The following IGF2BP1 variants were observed in gnomAD, a reference collection of about 807,000 sequenced individuals.
IGF2BP1 encodes the protein insulin like growth factor 2 mRNA binding protein 1.
A neutral mutation model predicts 74.9 loss-of-function variants in IGF2BP1; 11 were observed. The observed-to-expected ratio is 0.15, with a 90% CI of 0.09 to 0.24. IGF2BP1 has a LOEUF of 0.24. Among genes scored for constraint, IGF2BP1 ranks in the 10% least tolerant of loss-of-function variants. The probability of loss-of-function intolerance (pLI) is 1.00; values close to 1 mark genes in which losing one functional copy is unlikely to be tolerated. For synonymous variants in IGF2BP1, 287 were observed against 281.8 expected (o/e 1.02, Z -0.18); for missense variants, 440 against 757.4 (o/e 0.58, Z 4.92).
intron 5 of IGF2BP1, among the ~76,000 whole-genome samples, chr17:49,033,234 C>T (rs1368005719): frequency 1.3e-5 from 2 of 152,030 alleles, no homozygotes; most frequent in African/African-American, 4.8e-5. Context: ...CTGCAACCTG[C>T]GCCTCCTGGA....
In IGF2BP1 at chr17:49,011,310, T is replaced by C. The variant is rs189819901; in HGVS notation, c.236+12141T>C. 2.0e-5 allele frequency among the ~76,000 whole-genome samples: 3 copies of C among 152,226 alleles called. No homozygotes were observed. In the East Asian group the frequency reaches 5.8e-4, roughly 29 times the overall value. ...TGGTAGGGCAGCCACTCCTGTTTAT[T>C]TCTCTTCTTGAGCATCTTTGCTTCT... On this transcript the variant is annotated intron_variant, in intron 2 of 14. Coordinates refer to ENST00000290341, the MANE Select transcript of IGF2BP1 (RefSeq NM_006546.4).
intron 2 of IGF2BP1, among the ~76,000 whole-genome samples, chr17:49,009,821 T>A (rs2041594479): frequency 6.6e-6 from 1 of 152,102 alleles, no homozygotes; most frequent in Admixed American, 6.5e-5. Context: ...TGCTCACACC[T>A]GTAATCCCAG....
intron 6 of IGF2BP1, among the ~76,000 whole-genome samples, chr17:49,039,288 TCTC>T (rs1275390434): frequency 1.3e-5 from 2 of 152,130 alleles, no homozygotes; most frequent in Non-Finnish European, 2.9e-5. Flanking sequence ...CACTGTGTCT[TCTC>T]TTTATATTTG....
chr17:49,014,815 C>G, intron 2 of IGF2BP1: 1 of 985,392 alleles, frequency 1.0e-6, no homozygotes, highest in Non-Finnish European at 1.2e-6. Context: ...GGGATGTCTG[C>G]CGGGTCCTTC....
chr17:48,998,327 C>T (rs2041435226), intron 1 of IGF2BP1, among the ~76,000 whole-genome samples: 1 of 152,258 alleles, frequency 6.6e-6, no homozygotes, highest in South Asian at 2.1e-4. Context: ...CCCCGGCTCC[C>T]GTTCCTCAGT....
At position 49,026,635 on chromosome 17, in the gene IGF2BP1, GCCTTCCTT is replaced by G. The variant is rs200932530; in HGVS notation, c.337+122_337+129del. On this transcript the variant is annotated intron_variant, in intron 4 of 14. Coordinates refer to ENST00000290341, the MANE Select transcript of IGF2BP1 (RefSeq NM_006546.4). ...TCCCTTCCTTCCTTCCTTCCTTCCTGCCTTCCTTCCTGCCTGCCTTCCTGCCTTCCTGC... is the reference window on the plus strand; with the variant it reads ...TCCCTTCCTTCCTTCCTTCCTTCCTGCCTGCCTGCCTTCCTGCCTTCCTGC... The G allele has an allele frequency of 6.7e-5, 28 of 417,826 alleles. 1 individual carries two copies. Among genetic ancestry groups the G allele is most frequent in the South Asian group, 9.9e-5 (4 of 40,296 alleles). 25.9% of individuals were successfully genotyped at this position (417,826 alleles called of 1,614,324 possible). A position where few individuals can be genotyped will look rare whatever the true frequency, so the allele number is the denominator to read the frequency against.
intron 10 of IGF2BP1, 101 bp downstream of exon 10, chr17:49,043,651 C>A: frequency 7.1e-7 from 1 of 1,416,204 alleles, no homozygotes; most frequent in Non-Finnish European, 9.7e-7. Flanking sequence ...GGCAAGTTTG[C>A]AGGGAGAGGG....
In IGF2BP1 at chr17:49,038,845, C is replaced by T. The variant is rs202124503; in HGVS notation, c.683+396C>T. 9.2e-5 allele frequency among the ~76,000 whole-genome samples: 14 copies of T among 151,572 alleles called. No homozygotes were observed. In the East Asian group the frequency reaches 2.7e-3, roughly 29 times the overall value. On this transcript the variant is annotated intron_variant, in intron 6 of 14. Transcript: ENST00000290341. The stretch of plus-strand genomic sequence containing the variant: ...ACCTTCATAATTGTGTCCCATCTCC[C>T]ATTCTGCCACTGCCACCTTCTTTCT...
chr17:49,034,349 C>T lies in IGF2BP1; in HGVS notation c.401+2376C>T, dbSNP rs551536242. Among the ~76,000 whole-genome samples the T allele has an allele frequency of 1.4e-3, 216 of 151,396 alleles. 1 individual carries two copies. The highest frequency in any genetic ancestry group is 2.0e-3 in the Non-Finnish European group (134 of 67,904). On this transcript the variant is annotated intron_variant, in intron 5 of 14. Transcript: ENST00000290341. ...GGCCAGGCTGGTCTTGAACTCCTGACGTCAGGCGATCCGCCCACCTTGGCC... is the reference window on the plus strand; with the variant it reads ...GGCCAGGCTGGTCTTGAACTCCTGATGTCAGGCGATCCGCCCACCTTGGCC...
At chr17:49,032,148 G>T (rs1280339379) in intron 5 of IGF2BP1, among the ~76,000 whole-genome samples, 175 bp downstream of exon 5, 3 of 152,070 alleles carry the variant, frequency 2.0e-5, no homozygotes, top group Non-Finnish European at 4.4e-5. Flanking sequence ...TCTTCAGGGG[G>T]TCTCCTTCAT....
chr17:49,046,993 G>A (rs2042114662), intron 14 of IGF2BP1, among the ~76,000 whole-genome samples: 1 of 152,322 alleles, frequency 6.6e-6, no homozygotes, highest in South Asian at 2.1e-4. Flanking sequence ...GCAGCTAATG[G>A]TGTTTTCCTA....
chr17:49,029,114 T>C (rs1298791106), intron 4 of IGF2BP1, among the ~76,000 whole-genome samples: 1 of 152,220 alleles, frequency 6.6e-6, no homozygotes, highest in African/African-American at 2.4e-5. Flanking sequence ...CTCATCTGAT[T>C]TATATTTTTC....
rs200362179 is a variant in IGF2BP1, at chr17:49,043,984, G to A, written c.1218G>A (p.Glu406=). The A allele has an allele frequency of 3.2e-5, 52 of 1,613,932 alleles. No homozygotes were observed. Among genetic ancestry groups the A allele is most frequent in the Non-Finnish European group, 4.2e-5 (49 of 1,180,006 alleles). Residue 406 remains glutamate, a synonymous_variant, in exon 11 of 15, where the codon GAG becomes GAA. Transcript: ENST00000290341. The stretch of plus-strand genomic sequence containing the variant: ...CCTGGCAGCAGGCTCCCGAGCAGGA[G>A]ATGGTGCAGGTGTTTATCCCCGCCC... The part of the protein sequence containing the change: ...YSSFMQAPEQ[E]MVQVFIPAQA...
At chr17:48,999,269 T>TA (rs2041454517) in intron 2 of IGF2BP1, 100 bp downstream of exon 2, 1 of 724,666 alleles carries the variant, frequency 1.4e-6, no homozygotes, top group African/African-American at 1.8e-5. Flanking sequence ...AGAAACCCAT[T>TA]ACTGGTCTTT....
rs2042189810 is a variant in IGF2BP1, at chr17:49,053,400, G to A, written c.*3956G>A. 1 of 152,726 alleles carries A rather than the reference G, an allele frequency of 6.5e-6. No homozygotes were observed. Among genetic ancestry groups the A allele is most frequent in the Admixed American group, 6.5e-5 (1 of 15,286 alleles). The allele number at this position is 152,726 out of a possible 1,614,324, so 9.5% of individuals were successfully genotyped here. ...CTGGAAACTGGGAGCTAAGGGCGAG[G>A]CCCTTCCCTTCAGAGGCTCCTGGGG... On this transcript the variant is annotated 3_prime_UTR_variant, in exon 15 of 15. Coordinates refer to ENST00000290341, the MANE Select transcript of IGF2BP1 (RefSeq NM_006546.4).
intron 6 of IGF2BP1, among the ~76,000 whole-genome samples, chr17:49,039,673 C>T (rs1351942606): frequency 3.9e-5 from 6 of 152,252 alleles, no homozygotes; most frequent in South Asian, 2.1e-4. Flanking sequence ...GTAACCCACC[C>T]GCCTCGGCCT....
intron 5 of IGF2BP1, among the ~76,000 whole-genome samples, chr17:49,033,001 G>A (rs2041943081): frequency 6.6e-6 from 1 of 152,106 alleles, no homozygotes. Context: ...TTTTTTTGTA[G>A]AGACGAGGTT....
At chr17:49,030,331 T>A (rs1374191697) in intron 4 of IGF2BP1, among the ~76,000 whole-genome samples, 1 of 151,898 alleles carries the variant, frequency 6.6e-6, no homozygotes, top group South Asian at 2.1e-4. Context: ...CAGTGGAGAC[T>A]GGGTTTTGCC....
intron 14 of IGF2BP1, among the ~76,000 whole-genome samples, chr17:49,048,776 C>T (rs563379365): frequency 1.3e-5 from 2 of 152,106 alleles, no homozygotes; most frequent in Non-Finnish European, 2.9e-5. Context: ...CATGGGAGGG[C>T]TAACCCTGTT....
Sources: gnomAD v4.1 joint callset for allele counts (sites outside exome capture counted in the v4.1 genomes callset) on GRCh38, gnomAD v4.1.1 for gene constraint, MANE v1.5 for transcripts, NCBI Gene and HGNC (gene_info 2026-07-23, HGNC 2026-07-21) for gene names.